Variants in SORCS1 observed in about 807,000 individuals in gnomAD.
SORCS1 encodes sortilin related VPS10 domain containing receptor 1.
SORCS1 carries 60 observed loss-of-function variants against 146.1 expected under a neutral mutation model. That is an observed-to-expected ratio of 0.41 (90% CI 0.33 to 0.51). SORCS1 has a LOEUF of 0.51. Among genes scored for constraint, SORCS1 ranks in the 20% least tolerant of loss-of-function variants. The pLI is 0.21. For missense variants in SORCS1, 1,352 were observed against 1,487.6 expected (o/e 0.91, Z 1.50); for synonymous variants, 637 against 584.0 (o/e 1.09, Z -1.31).
At chr10:106,988,699 T>C (rs999595915) in intron 1 of SORCS1, among the ~76,000 whole-genome samples, 1 of 152,168 alleles carries the variant, frequency 6.6e-6, no homozygotes, top group African/African-American at 2.4e-5. Flanking sequence ...AACACTCATA[T>C]AGCACTATAA....
upstream of SORCS1, among the ~76,000 whole-genome samples, chr10:107,165,589 C>A (rs994305283): frequency 1.3e-5 from 2 of 152,016 alleles, no homozygotes; most frequent in African/African-American, 4.8e-5. The surrounding 1 kb of genome is among the most constrained non-coding windows in gnomAD (Gnocchi z 4.0). Context: ...GGCACAGTAC[C>A]CTACATGGGA....
At chr10:106,631,318 T>TA (rs781418542) in intron 18 of SORCS1, among the ~76,000 whole-genome samples, 89 of 152,240 alleles carry the variant, frequency 5.8e-4, no homozygotes, top group Non-Finnish European at 1.2e-3. Context: ...ATTGTGCACT[T>TA]ACTTGAATTC....
At chr10:106,994,808 T>C (rs1177072693) in intron 1 of SORCS1, among the ~76,000 whole-genome samples, 2 of 152,182 alleles carry the variant, frequency 1.3e-5, no homozygotes, top group African/African-American at 4.8e-5. Flanking sequence ...CAATAACTCA[T>C]TGAGAGCAAA....
chr10:106,917,032 C>T (rs1952478286), intron 2 of SORCS1, among the ~76,000 whole-genome samples: 1 of 152,182 alleles, frequency 6.6e-6, no homozygotes, highest in South Asian at 2.1e-4. Context: ...CGTGAGCCAC[C>T]GCACCCAGCC....
chr10:106,925,817 G>A (rs1952985985), intron 2 of SORCS1, among the ~76,000 whole-genome samples: 1 of 152,170 alleles, frequency 6.6e-6, no homozygotes, highest in Non-Finnish European at 1.5e-5. Context: ...CCAACGGAGG[G>A]TCCATTCCAT....
At chr10:106,897,237 G>A (rs1173258991) in intron 2 of SORCS1, among the ~76,000 whole-genome samples, 4 of 151,890 alleles carry the variant, frequency 2.6e-5, no homozygotes, top group Admixed American at 1.3e-4. Flanking sequence ...CTGGAGTGCA[G>A]TGGTGTCATC....
chr10:107,107,646 T>C (rs892756901), intron 1 of SORCS1, among the ~76,000 whole-genome samples: 5 of 152,168 alleles, frequency 3.3e-5, no homozygotes, highest in South Asian at 2.1e-4. Flanking sequence ...ACAGACAAAA[T>C]AGCCTTTGTG....
intron 2 of SORCS1, among the ~76,000 whole-genome samples, chr10:106,886,044 C>T (rs531521460): frequency 2.6e-4 from 40 of 152,216 alleles, no homozygotes; most frequent in Middle Eastern, 3.4e-3. Flanking sequence ...AGCGGATCAC[C>T]TGAGGTCAGG....
chr10:107,015,605 A>G (rs774529691), intron 1 of SORCS1, among the ~76,000 whole-genome samples: 1 of 152,240 alleles, frequency 6.6e-6, no homozygotes, highest in African/African-American at 2.4e-5. Flanking sequence ...AGTCACAAAT[A>G]ATTTCAAAAT....
At chr10:107,152,950 C>G (rs151133246) in intron 1 of SORCS1, among the ~76,000 whole-genome samples, 1 of 152,192 alleles carries the variant, frequency 6.6e-6, no homozygotes, top group South Asian at 2.1e-4. Context: ...CTCCGTGTCT[C>G]TTTGTCTCTC....
intron 1 of SORCS1, among the ~76,000 whole-genome samples, chr10:107,133,620 T>G (rs1967035033): frequency 6.6e-6 from 1 of 152,216 alleles, no homozygotes; most frequent in South Asian, 2.1e-4. Flanking sequence ...AAACCCAGGC[T>G]GCTGGAAGGC....
chr10:106,860,296 A>G (rs374792477), intron 2 of SORCS1, among the ~76,000 whole-genome samples: 1 of 152,238 alleles, frequency 6.6e-6, no homozygotes, highest in Non-Finnish European at 1.5e-5. Context: ...GCTTTGTGAC[A>G]TGTTCTATCT....
chr10:106,894,795 T>C (rs1042448136), intron 2 of SORCS1, among the ~76,000 whole-genome samples: 9 of 152,146 alleles, frequency 5.9e-5, no homozygotes, highest in Non-Finnish European at 1.3e-4. Context: ...TTGCCAAGGA[T>C]CCTAAATTCT....
intron 1 of SORCS1, among the ~76,000 whole-genome samples, chr10:107,149,598 G>T (rs1382129090): frequency 6.6e-6 from 1 of 152,232 alleles, no homozygotes; most frequent in Admixed American, 6.5e-5. Flanking sequence ...GCTTTAAAAT[G>T]GTTTTGTGTA....
rs147107336 is a variant in SORCS1, at chr10:106,830,711, C to T, written c.627-1038G>A. ...AGGAATTCGAGACAAGCCTGGCCAACGTTGCGACACTCCTTCTCTATCAAA... is the reference window on the plus strand; with the variant it reads ...AGGAATTCGAGACAAGCCTGGCCAATGTTGCGACACTCCTTCTCTATCAAA... On this transcript the variant is annotated intron_variant, in intron 2 of 25. Transcript: ENST00000263054. Among the ~76,000 whole-genome samples the T allele has an allele frequency of 4.8e-4, 73 of 151,810 alleles. No homozygotes were observed. In the East Asian group the frequency reaches 8.4e-3, roughly 17 times the overall value.
intron 24 of SORCS1, among the ~76,000 whole-genome samples, chr10:106,592,662 G>C (rs1024622559): frequency 3.3e-5 from 5 of 152,012 alleles, no homozygotes; most frequent in African/African-American, 9.6e-5. Context: ...TGCTAACAAT[G>C]GTTCTTTTTT....
intron 7 of SORCS1, 67 bp from the exon 8 acceptor site, chr10:106,706,701 C>G: frequency 2.1e-6 from 3 of 1,426,532 alleles, no homozygotes; most frequent in Non-Finnish European, 3.0e-6. Flanking sequence ...ACAGAACAGT[C>G]ACCTGAATGG....
intron 2 of SORCS1, among the ~76,000 whole-genome samples, chr10:106,858,368 C>T (rs1949871320): frequency 6.6e-6 from 1 of 151,840 alleles, no homozygotes. Context: ...GTCTGTAATC[C>T]CAGCACTTGG....
At chr10:106,823,602 A>G (rs1303456337) in intron 3 of SORCS1, among the ~76,000 whole-genome samples, 2 of 152,202 alleles carry the variant, frequency 1.3e-5, no homozygotes, top group African/African-American at 4.8e-5. Context: ...ATAACTGATT[A>G]AGGCACTTTA....
Sources: gnomAD v4.1 joint callset for allele counts (sites outside exome capture counted in the v4.1 genomes callset) on GRCh38, gnomAD v4.1.1 for gene constraint, Gnocchi (gnomAD v3.1) non-coding constraint, MANE v1.5 for transcripts, NCBI Gene and HGNC (gene_info 2026-07-23, HGNC 2026-07-21) for gene names.